Variants in SCUBE1 observed in about 807,000 individuals in gnomAD.
The protein encoded by SCUBE1 is signal peptide, CUB and EGF-like domain-containing protein 1.
In SCUBE1, 59 loss-of-function variants were observed where a neutral mutation model predicts 124.4. The ratio of observed to expected loss-of-function variants is 0.47; its 90% confidence interval spans 0.38 to 0.59. The LOEUF (loss-of-function observed/expected upper bound fraction) is 0.59. Ranked by LOEUF, SCUBE1 falls within the 20% of genes least tolerant of loss-of-function variation. The pLI is 0.00. For missense variants in SCUBE1, 1,150 were observed against 1,371.2 expected, an observed-to-expected ratio of 0.84 and a Z score of 2.55; for synonymous variants, 545 against 550.9, an observed-to-expected ratio of 0.99 and a Z score of 0.15.
At chr22:43,225,068 A>G (rs1363928083) in intron 10 of SCUBE1, among the ~76,000 whole-genome samples, 3 of 152,170 alleles carry the variant, frequency 2.0e-5, no homozygotes, top group Non-Finnish European at 4.4e-5. Context: ...ACAAAATTTC[A>G]TCATTTAATA....
intron 6 of SCUBE1, among the ~76,000 whole-genome samples, chr22:43,256,257 G>A (rs1237737304): frequency 3.9e-5 from 6 of 152,232 alleles, no homozygotes; most frequent in Non-Finnish European, 2.9e-5. Flanking sequence ...TGCTCAACAA[G>A]GGGATGCAAA....
At position 43,229,060 on chromosome 22, in the gene SCUBE1, C is replaced by G. The variant is rs755372104; in HGVS notation, c.1084+12G>C. The stretch of plus-strand genomic sequence containing the variant: ...TCGGGGGGGAGGTGGCCCTGGCGGG[C>G]AGGCTGCAGACCTCCGCAGTGGGTT... On this transcript the variant is annotated intron_variant, in intron 9 of 21. Transcript: ENST00000360835. 2 of 1,597,814 alleles carry G rather than the reference C, an allele frequency of 1.3e-6. No individual in the cohort carries two copies. Among genetic ancestry groups the G allele is most frequent in the Admixed American group, 3.4e-5 (2 of 59,508 alleles).
Position 43,255,642 on chromosome 22 carries a change from AAGAC to A in SCUBE1, c.727+2573_727+2576del. 3.6e-6 allele frequency: 5 copies of A among 1,388,370 alleles called. No individual in the cohort carries two copies. The highest frequency in any genetic ancestry group is 4.0e-6 in the Non-Finnish European group (4 of 1,001,388). The allele number at this position is 1,388,370 out of a possible 1,614,324, so 86.0% of individuals were successfully genotyped here. A position where few individuals can be genotyped will look rare whatever the true frequency, so the allele number is the denominator to read the frequency against. On this transcript the variant is annotated intron_variant, in intron 6 of 21. Transcript: ENST00000360835. The surrounding 1 kb of genome is among the most constrained non-coding windows in gnomAD (Gnocchi z 4.7). Reference sequence around the variant, plus strand: ...AATGACAGCCCACTTCCCGCGGCCCAAGACAGTCAGCCTCTCGGCGTGGCGCACG... The same window carrying A: ...AATGACAGCCCACTTCCCGCGGCCCAAGTCAGCCTCTCGGCGTGGCGCACG...
intron 6 of SCUBE1, 116 bp from the exon 7 acceptor site, chr22:43,239,070 C>T: frequency 2.7e-6 from 2 of 741,114 alleles, no homozygotes; most frequent in Non-Finnish European, 4.7e-6. Flanking sequence ...CAAGCTCTGG[C>T]TCTGATATAC....
intron 6 of SCUBE1, 57 bp from the exon 7 acceptor site, chr22:43,239,011 C>T (rs1922888968): frequency 7.2e-7 from 1 of 1,396,480 alleles, no homozygotes; most frequent in Non-Finnish European, 1.0e-6. Context: ...CACTGGCTTT[C>T]CCCTTCCGTG....
chr22:43,342,224 C>T (rs1411375639), intron 1 of SCUBE1, among the ~76,000 whole-genome samples: 1 of 82,640 alleles, frequency 1.2e-5, no homozygotes, highest in Non-Finnish European at 2.1e-5. Flanking sequence ...TTTCGGGAAG[C>T]CCCTGAAGAC....
intron 1 of SCUBE1, among the ~76,000 whole-genome samples, 154 bp from the exon 2 acceptor site, chr22:43,339,389 A>G (rs1927192905): frequency 6.6e-6 from 1 of 152,120 alleles, no homozygotes; most frequent in Non-Finnish European, 1.5e-5. Flanking sequence ...CTGGTGTGAC[A>G]AGTGGCAACT....
intron 6 of SCUBE1, among the ~76,000 whole-genome samples, chr22:43,244,631 A>C (rs949972127): frequency 6.6e-6 from 1 of 152,188 alleles, no homozygotes; most frequent in South Asian, 2.1e-4. Context: ...GTGGTGCACA[A>C]TGGGAAGTGG....
At chr22:43,292,484 TTAA>T (rs1414642931) in intron 3 of SCUBE1, among the ~76,000 whole-genome samples, 2 of 151,854 alleles carry the variant, frequency 1.3e-5, no homozygotes, top group Admixed American at 1.3e-4. Flanking sequence ...TATTGTCATT[TTAA>T]TAGGCAAATA....
At chr22:43,289,175 C>A (rs937332861) in intron 4 of SCUBE1, among the ~76,000 whole-genome samples, 2 of 152,370 alleles carry the variant, frequency 1.3e-5, no homozygotes, top group Admixed American at 1.3e-4. Context: ...CTGCTCAGAG[C>A]AGTCACTCTG....
Position 43,198,926 on chromosome 22 carries a change from G to A in SCUBE1, c.*5071C>T, listed in dbSNP as rs980861232. ...GGCAGTTTGTCTGTCTGCTGTCTGG[G>A]GCAGTTTGTCTGTCTGTCTGCTGTC... On this transcript the variant is annotated 3_prime_UTR_variant, in exon 22 of 22. Transcript: ENST00000360835. 3.0e-5 allele frequency: 11 copies of A among 371,648 alleles called. No individual in the cohort carries two copies. Among genetic ancestry groups the A allele is most frequent in the African/African-American group, 2.3e-4 (11 of 46,982 alleles). The allele number at this position is 371,648 out of a possible 1,614,324, so 23.0% of individuals were successfully genotyped here.
At position 43,210,868 on chromosome 22, in the gene SCUBE1, C is replaced by A; in HGVS notation, c.2383+54G>T. On this transcript the variant is annotated intron_variant, in intron 18 of 21. Coordinates refer to ENST00000360835, the MANE Select transcript of SCUBE1 (RefSeq NM_173050.5). This position sits in a 1 kb window ranked among gnomAD's most constrained non-coding sequence, Gnocchi z 4.5. ...TCAGGTCTCCTCCCGCCCCCACAACCTGCCCAGCCCCTCCCGTGTTCCCAG... is the reference window on the plus strand; with the variant it reads ...TCAGGTCTCCTCCCGCCCCCACAACATGCCCAGCCCCTCCCGTGTTCCCAG... 1.2e-6 allele frequency: 2 copies of A among 1,605,108 alleles called. No homozygotes were observed. Among genetic ancestry groups the A allele is most frequent in the Non-Finnish European group, 1.7e-6 (2 of 1,173,480 alleles).
At chr22:43,261,855 A>G (rs528959065) in intron 5 of SCUBE1, among the ~76,000 whole-genome samples, 2 of 152,292 alleles carry the variant, frequency 1.3e-5, no homozygotes, top group East Asian at 3.9e-4. Context: ...CGCTTTGGGT[A>G]TCCCTGGTGC....
At chr22:43,332,977 G>A (rs1347329813) in intron 2 of SCUBE1, among the ~76,000 whole-genome samples, 1 of 152,188 alleles carries the variant, frequency 6.6e-6, no homozygotes, top group Non-Finnish European at 1.5e-5. Flanking sequence ...CCTGTGCCAG[G>A]CCCAGTCCCT....
In SCUBE1 at chr22:43,221,181, G is replaced by A. The variant is rs143361942; in HGVS notation, c.1541C>T (p.Pro514Leu). ...QARAKETARQ[P>L]LLDHCHVTFV... ...CAGGGCGTCCCACTCACCCAGCAGC[G>A]GCTGCCTGGCGGTCTCCTTTGCTCG... Residue 514 changes from proline (P) to leucine (L), a missense_variant, in exon 13 of 22, where the codon CCG becomes CTG. Coordinates refer to ENST00000360835, the MANE Select transcript of SCUBE1 (RefSeq NM_173050.5). 3.1e-5 allele frequency: 50 copies of A among 1,608,958 alleles called. No homozygotes were observed. The highest frequency in any genetic ancestry group is 1.1e-4 in the African/African-American group (8 of 74,990).
intron 3 of SCUBE1, among the ~76,000 whole-genome samples, chr22:43,310,082 C>A (rs1004598309): frequency 6.6e-6 from 1 of 152,158 alleles, no homozygotes; most frequent in South Asian, 2.1e-4. Flanking sequence ...AAAATCCAAA[C>A]CCCTTTCTCG....
At chr22:43,239,341 C>T (rs568150063) in intron 6 of SCUBE1, among the ~76,000 whole-genome samples, 6 of 152,366 alleles carry the variant, frequency 3.9e-5, no homozygotes, top group African/African-American at 1.4e-4. Context: ...ACTCAGACTC[C>T]AAGTCCAGGC....
At chr22:43,256,599 C>G (rs1239664858) in intron 6 of SCUBE1, among the ~76,000 whole-genome samples, 1 of 152,210 alleles carries the variant, frequency 6.6e-6, no homozygotes. Context: ...GGAGCCTTCA[C>G]ATGCAGTAGA....
chr22:43,227,605 C>T (rs577179270), intron 9 of SCUBE1, 109 bp from the exon 10 acceptor site: 15 of 1,404,666 alleles, frequency 1.1e-5, no homozygotes, highest in East Asian at 7.1e-5. Flanking sequence ...CCCACCGAGT[C>T]GGACAGCATC....
Sources: allele counts gnomAD v4.1 joint callset (sites outside exome capture counted in the v4.1 genomes callset), GRCh38; gene constraint gnomAD v4.1.1; non-coding constraint Gnocchi (gnomAD v3.1); transcripts MANE v1.5; gene names NCBI Gene and HGNC (gene_info 2026-07-23, HGNC 2026-07-21).